CERS3: variants seen among roughly 807,000 people sequenced by gnomAD.
The protein encoded by CERS3 is ceramide synthase 3.
In CERS3, 33 loss-of-function variants were observed where a neutral mutation model predicts 50.3. The observed-to-expected ratio is 0.66, with a 90% CI of 0.50 to 0.88. The LOEUF (loss-of-function observed/expected upper bound fraction) is 0.88. Among genes scored for constraint, CERS3 ranks in the 40% least tolerant of loss-of-function variants. CERS3 has a pLI of 0.00. For missense variants in CERS3, 470 were observed against 460.3 expected, an observed-to-expected ratio of 1.02 and a Z score of -0.19; for synonymous variants, 176 against 155.2, an observed-to-expected ratio of 1.13 and a Z score of -0.99.
upstream of CERS3, among the ~76,000 whole-genome samples, chr15:100,530,602 T>A (rs2036914275): frequency 6.6e-6 from 1 of 152,224 alleles, no homozygotes; most frequent in African/African-American, 2.4e-5. Flanking sequence ...ACTTTGGGAA[T>A]CCTCACTGGA....
intron 11 of CERS3, among the ~76,000 whole-genome samples, chr15:100,453,662 A>G (rs1399159413): frequency 6.6e-6 from 1 of 152,234 alleles, no homozygotes; most frequent in African/African-American, 2.4e-5. Flanking sequence ...CAATCAGGCA[A>G]GAGACAAATA....
chr15:100,485,753 A>G (rs1179468455), intron 4 of CERS3, among the ~76,000 whole-genome samples: 1 of 152,116 alleles, frequency 6.6e-6, no homozygotes, highest in Non-Finnish European at 1.5e-5. Flanking sequence ...GATCCCAGCT[A>G]CTCAGGAGGC....
intron 2 of CERS3, among the ~76,000 whole-genome samples, chr15:100,518,948 G>A (rs2036567129): frequency 6.6e-6 from 1 of 152,164 alleles, no homozygotes; most frequent in Admixed American, 6.5e-5. Flanking sequence ...CAGATCACCA[G>A]GTCAGGAGTA....
intron 2 of CERS3, among the ~76,000 whole-genome samples, chr15:100,507,870 C>T (rs948620865): frequency 2.0e-5 from 3 of 152,226 alleles, no homozygotes; most frequent in Non-Finnish European, 2.9e-5. Context: ...AAGATAGTCG[C>T]GGTCTCTCAG....
chr15:100,513,540 CT>C (rs11428048), intron 2 of CERS3, among the ~76,000 whole-genome samples: 3,537 of 143,924 alleles, frequency 0.025, 107 homozygotes, highest in Admixed American at 0.09. Context: ...GTTTTCTTTT[CT>C]TTTTTTTTTT....
intron 11 of CERS3, among the ~76,000 whole-genome samples, chr15:100,411,049 A>G (rs554307421): frequency 1.8e-4 from 28 of 152,328 alleles, no homozygotes; most frequent in East Asian, 3.9e-4. Flanking sequence ...AGTACCTCAT[A>G]TAAGTGGAAT....
intron 11 of CERS3, among the ~76,000 whole-genome samples, chr15:100,430,108 C>G (rs1468595693): frequency 1.3e-5 from 2 of 151,974 alleles, no homozygotes; most frequent in East Asian, 3.9e-4. Context: ...GTCAGGAGAT[C>G]GAGACCATCC....
chr15:100,501,804 G>A lies in CERS3; in HGVS notation c.46C>T (p.Leu16Phe), dbSNP rs201614149. The A allele has an allele frequency of 2.3e-5, 37 of 1,614,128 alleles. No homozygotes were observed. In the East Asian group the frequency reaches 7.4e-4, roughly 32 times the overall value. The change falls in exon 3 of 12, where the codon CTT becomes TTT. Residue 16 changes from leucine (L) to phenylalanine (F), a missense_variant. Transcript: ENST00000679737. ...TCTGACCACTTTATTGTTGGAGGAAGCCAGAATCTTTCCAACCAGAACCAT... is the reference window on the plus strand; with the variant it reads ...TCTGACCACTTTATTGTTGGAGGAAACCAGAATCTTTCCAACCAGAACCAT... ...KEWFWLERFW[L>F]PPTIKWSDLE...
At chr15:100,528,651 G>A (rs562624757) in intron 1 of CERS3, among the ~76,000 whole-genome samples, 162 bp downstream of exon 1, 25 of 152,230 alleles carry the variant, frequency 1.6e-4, no homozygotes, top group African/African-American at 6.0e-4. Flanking sequence ...GACCAAAAAT[G>A]AACATTTCTT....
chr15:100,475,382 C>CT (rs1428360941), intron 8 of CERS3, among the ~76,000 whole-genome samples: 1 of 152,176 alleles, frequency 6.6e-6, no homozygotes, highest in Non-Finnish European at 1.5e-5. Context: ...ACAAATTTTG[C>CT]TACAAACCAG....
chr15:100,403,123 C>G (rs1047435508), intron 11 of CERS3, among the ~76,000 whole-genome samples: 2 of 152,038 alleles, frequency 1.3e-5, no homozygotes, highest in Non-Finnish European at 2.9e-5. Context: ...AGGGAAATTT[C>G]AAAACACTTA....
At chr15:100,436,631 A>C (rs1402604298) in intron 11 of CERS3, among the ~76,000 whole-genome samples, 2 of 152,214 alleles carry the variant, frequency 1.3e-5, no homozygotes, top group Non-Finnish European at 2.9e-5. Flanking sequence ...CAGAGCTTAA[A>C]GTAAAATAAA....
At chr15:100,543,409 G>A (rs896514562) in intron 1 of CERS3, among the ~76,000 whole-genome samples, 3 of 152,166 alleles carry the variant, frequency 2.0e-5, no homozygotes, top group Non-Finnish European at 4.4e-5. Flanking sequence ...ATTTTCTAAT[G>A]AGAGTTTTGA....
At chr15:100,446,172 T>C (rs1249983119) in intron 11 of CERS3, among the ~76,000 whole-genome samples, 1 of 152,232 alleles carries the variant, frequency 6.6e-6, no homozygotes, top group Non-Finnish European at 1.5e-5. Context: ...CAAAGCCTGT[T>C]TGGTGGTCTC....
At chr15:100,409,024 C>T (rs891225501) in intron 11 of CERS3, among the ~76,000 whole-genome samples, 1 of 152,178 alleles carries the variant, frequency 6.6e-6, no homozygotes, top group African/African-American at 2.4e-5. Context: ...CAATGCTCTA[C>T]AGACCCTTGC....
At chr15:100,462,963 G>C (rs2034600069) in intron 10 of CERS3, among the ~76,000 whole-genome samples, 1 of 152,110 alleles carries the variant, frequency 6.6e-6, no homozygotes, top group Non-Finnish European at 1.5e-5. Flanking sequence ...CTTCTTCTTA[G>C]GCAATACACA....
chr15:100,431,088 C>G (rs2587814), intron 11 of CERS3, among the ~76,000 whole-genome samples: 41,791 of 152,054 alleles, frequency 0.27, 5,920 homozygotes, highest in East Asian at 0.42. Flanking sequence ...GATGGTCAGA[C>G]TGCACTTTGG....
intron 1 of CERS3, among the ~76,000 whole-genome samples, chr15:100,538,719 T>C (rs565416125): frequency 1.3e-5 from 2 of 152,312 alleles, no homozygotes; most frequent in South Asian, 4.2e-4. Context: ...TTAAGACCCC[T>C]GACATGCCCT....
chr15:100,473,584 A>G (rs1431602714), intron 8 of CERS3, among the ~76,000 whole-genome samples: 1 of 152,234 alleles, frequency 6.6e-6, no homozygotes, highest in African/African-American at 2.4e-5. Context: ...AATACAAACC[A>G]AAACCACAAT....
Sources: gnomAD v4.1 joint callset for allele counts (sites outside exome capture counted in the v4.1 genomes callset) on GRCh38, gnomAD v4.1.1 for gene constraint, MANE v1.5 for transcripts, NCBI Gene and HGNC (gene_info 2026-07-23, HGNC 2026-07-21) for gene names.